Variants in RBFOX2 observed in about 807,000 individuals in gnomAD.
RBFOX2 encodes the protein RNA binding fox-1 homolog 2, also known as RNA binding protein fox-1 homolog 2.
In RBFOX2, 10 loss-of-function variants were observed where a neutral mutation model predicts 49.1. The ratio of observed to expected loss-of-function variants is 0.20; its 90% CI spans 0.13 to 0.35. The LOEUF is 0.35. RBFOX2 is among the 10% of genes least tolerant of loss of function. The probability of loss-of-function intolerance (pLI) is 1.00; values close to 1 mark genes in which losing one functional copy is unlikely to be tolerated. For synonymous variants in RBFOX2, 183 were observed against 187.4 expected, an observed-to-expected ratio of 0.98 and a Z score of 0.19; for missense variants, 323 against 486.9, an observed-to-expected ratio of 0.66 and a Z score of 3.17.
chr22:35,959,110 A>AGT (rs2055918302), intron 1 of RBFOX2, among the ~76,000 whole-genome samples: 4 of 152,192 alleles, frequency 2.6e-5, no homozygotes, highest in Admixed American at 6.5e-5. Context: ...GAACTACACT[A>AGT]CAGATTTATC....
At chr22:35,985,769 A>G (rs2057679356) in intron 1 of RBFOX2, among the ~76,000 whole-genome samples, 1 of 152,168 alleles carries the variant, frequency 6.6e-6, no homozygotes, top group African/African-American at 2.4e-5. Context: ...AGAAAGAGAA[A>G]AGGACAGTCT....
chr22:35,981,919 G>C (rs1053997576), intron 1 of RBFOX2, among the ~76,000 whole-genome samples: 1 of 152,138 alleles, frequency 6.6e-6, no homozygotes, highest in African/African-American at 2.4e-5. Context: ...ATTTTATCCA[G>C]CAGCAGGAAG....
intron 1 of RBFOX2, among the ~76,000 whole-genome samples, chr22:35,957,442 C>T (rs565464715): frequency 6.8e-4 from 103 of 152,292 alleles, no homozygotes; most frequent in African/African-American, 2.3e-3. Context: ...TACTTGCACC[C>T]TCCTTACCTT....
At chr22:35,807,329 A>G (rs996316563) in intron 2 of RBFOX2, among the ~76,000 whole-genome samples, 1 of 152,176 alleles carries the variant, frequency 6.6e-6, no homozygotes, top group Non-Finnish European at 1.5e-5. Flanking sequence ...TTGGTTAAGA[A>G]TATTTTGTTG....
chr22:35,840,615 CGTGTGTGCGTGTGTGCGTGT>C (rs951091898), upstream of RBFOX2: 8 of 1,081,482 alleles, frequency 7.4e-6, no homozygotes, highest in African/African-American at 5.7e-5. Flanking sequence ...TGTGCGCACG[CGTGTGTGCGTGTGTGCGTGT>C]GTGTGTGTGT....
At chr22:35,946,576 C>T (rs567046352) in intron 1 of RBFOX2, among the ~76,000 whole-genome samples, 6 of 152,284 alleles carry the variant, frequency 3.9e-5, no homozygotes, top group Admixed American at 2.6e-4. Flanking sequence ...CCAACCCCCA[C>T]GTCTATTTAT....
chr22:35,881,593 A>G (rs1425751841), intron 1 of RBFOX2, among the ~76,000 whole-genome samples: 2 of 151,486 alleles, frequency 1.3e-5, no homozygotes, highest in African/African-American at 4.9e-5. Context: ...AAAAAAAAAA[A>G]AAGGAAGAAA....
At chr22:35,816,920 AT>A (rs1953207664) in intron 1 of RBFOX2, among the ~76,000 whole-genome samples, 1 of 152,198 alleles carries the variant, frequency 6.6e-6, no homozygotes, top group Admixed American at 6.5e-5. Flanking sequence ...AAAGATGACC[AT>A]ATTTTATTGC....
At chr22:35,906,805 A>G (rs2049174581) in intron 1 of RBFOX2, among the ~76,000 whole-genome samples, 1 of 152,052 alleles carries the variant, frequency 6.6e-6, no homozygotes, top group South Asian at 2.1e-4. Context: ...ACAGAGCAAG[A>G]CTCTGTCCCA....
At chr22:35,852,008 G>A (rs1249404543) in intron 1 of RBFOX2, among the ~76,000 whole-genome samples, 2 of 151,766 alleles carry the variant, frequency 1.3e-5, no homozygotes, top group East Asian at 3.9e-4. Flanking sequence ...CTTATCCTTG[G>A]GTTACACATT....
At chr22:35,855,240 T>C (rs1284304088) in intron 1 of RBFOX2, among the ~76,000 whole-genome samples, 1 of 152,218 alleles carries the variant, frequency 6.6e-6, no homozygotes, top group Non-Finnish European at 1.5e-5. Context: ...CAAGAGTTAT[T>C]GGCTGATGAT....
At chr22:36,021,817 G>T (rs1367804838) in intron 1 of RBFOX2, among the ~76,000 whole-genome samples, 1 of 152,184 alleles carries the variant, frequency 6.6e-6, no homozygotes. Context: ...AACTAGATCA[G>T]CATCAGCCAA....
chr22:35,959,005 A>C (rs1187117191), intron 1 of RBFOX2, among the ~76,000 whole-genome samples: 2 of 152,084 alleles, frequency 1.3e-5, no homozygotes, highest in Non-Finnish European at 1.5e-5. Flanking sequence ...CTGCAAGTAC[A>C]ATTAAATACT....
chr22:35,799,107 A>T (rs1949309221), intron 2 of RBFOX2, among the ~76,000 whole-genome samples: 1 of 152,212 alleles, frequency 6.6e-6, no homozygotes, highest in South Asian at 2.1e-4. Context: ...TGACAGAAAC[A>T]GAGAGAGAAT....
chr22:35,849,302 C>CAA (rs2041619364), intron 1 of RBFOX2, among the ~76,000 whole-genome samples: 2 of 108,748 alleles, frequency 1.8e-5, no homozygotes, highest in African/African-American at 1.0e-4. Flanking sequence ...CACACAAACA[C>CAA]ACACACACAC....
intron 5 of RBFOX2, among the ~76,000 whole-genome samples, chr22:35,766,801 C>T (rs547181989): frequency 1.3e-5 from 2 of 152,072 alleles, no homozygotes; most frequent in African/African-American, 2.4e-5. Context: ...AGCAACCAAG[C>T]ACTTAAAAGG....
At chr22:35,987,976 T>C (rs1459864520) in intron 1 of RBFOX2, among the ~76,000 whole-genome samples, 1 of 152,164 alleles carries the variant, frequency 6.6e-6, no homozygotes, top group African/African-American at 2.4e-5. Context: ...TGTAAATTAT[T>C]TGGTGAGGTT....
intron 1 of RBFOX2, among the ~76,000 whole-genome samples, chr22:35,944,311 T>C (rs1479205890): frequency 6.6e-6 from 1 of 152,208 alleles, no homozygotes; most frequent in Non-Finnish European, 1.5e-5. Context: ...AATTGATACA[T>C]GCTGAAAAGA....
chr22:35,979,927 A>G (rs976918218), intron 1 of RBFOX2, among the ~76,000 whole-genome samples: 3 of 152,164 alleles, frequency 2.0e-5, no homozygotes, highest in Admixed American at 6.5e-5. Context: ...CACGTAACGA[A>G]GTATGTGCCA....
Sources: allele counts gnomAD v4.1 joint callset (sites outside exome capture counted in the v4.1 genomes callset), GRCh38; gene constraint gnomAD v4.1.1; transcripts MANE v1.5; gene names NCBI Gene and HGNC (gene_info 2026-07-23, HGNC 2026-07-21).